MAST3: variants seen among roughly 807,000 people sequenced by gnomAD.
The protein encoded by MAST3 is microtubule associated serine/threonine kinase 3.
MAST3 carries 43 observed loss-of-function variants against 127.0 expected under a neutral mutation model. That is an observed-to-expected ratio of 0.34 (90% CI 0.27 to 0.44). MAST3 has a LOEUF of 0.44. Among genes scored for constraint, MAST3 ranks in the 20% least tolerant of loss-of-function variants. MAST3 has a pLI of 1.00. For missense variants in MAST3, 1,390 were observed against 1,919.1 expected (o/e 0.72, Z 5.15); for synonymous variants, 785 against 809.2 (o/e 0.97, Z 0.51).
chr19:18,134,938 T>C lies in MAST3; in HGVS notation c.1826T>C (p.Phe609Ser). 6.2e-7 allele frequency: 1 copy of C among 1,613,772 alleles called. No individual in the cohort carries two copies. The highest frequency in any genetic ancestry group is 2.2e-5 in the East Asian group (1 of 44,864). The stretch of plus-strand genomic sequence containing the variant: ...GAGTTTCTGGTGGGCTGCGTGCCTT[T>C]CTTTGGAGATACCCCCGAGGAACTC... ...LYEFLVGCVP[F>S]FGDTPEELFG... Residue 609 changes from phenylalanine (F) to serine (S), a missense_variant, in exon 17 of 28, where the codon TTC (phenylalanine) becomes TCC (serine). By Grantham distance (155) the Phe-to-Ser change is radical. Transcript: ENST00000687212.
intron 2 of MAST3, among the ~76,000 whole-genome samples, chr19:18,108,285 G>T (rs974718202): frequency 1.3e-5 from 2 of 150,788 alleles, no homozygotes; most frequent in Non-Finnish European, 2.9e-5. Context: ...GTGAGACTCT[G>T]TCTAAAAAAA....
intron 3 of MAST3, among the ~76,000 whole-genome samples, chr19:18,114,107 C>A (rs550245557): frequency 6.6e-6 from 1 of 152,186 alleles, no homozygotes. Flanking sequence ...CCAACCACCC[C>A]CTCCTTCCAG....
In MAST3 at chr19:18,145,360, C is replaced by T. The variant is rs967235176; in HGVS notation, c.3039+131C>T. 27 of 825,712 alleles carry T rather than the reference C, an allele frequency of 3.3e-5. No individual in the cohort carries two copies. Among genetic ancestry groups the T allele is most frequent in the East Asian group, 4.9e-5 (2 of 40,552 alleles). The allele number at this position is 825,712 out of a possible 1,614,324, so 51.1% of individuals were successfully genotyped here. A position where few individuals can be genotyped will look rare whatever the true frequency, so the allele number is the denominator to read the frequency against. ...AGAGCTGGTGCCACCGAGTTCATCT[C>T]GGTCCCTGTCATTTGGCAGGGAGGA... On this transcript the variant is annotated intron_variant, in intron 24 of 27. Coordinates refer to ENST00000687212, the MANE Select transcript of MAST3 (RefSeq NM_001393504.1). The surrounding 1 kb of genome is among the most constrained non-coding windows in gnomAD (Gnocchi z 5.9).
intron 3 of MAST3, among the ~76,000 whole-genome samples, chr19:18,115,414 C>A (rs188394964): frequency 6.6e-6 from 1 of 152,050 alleles, no homozygotes; most frequent in African/African-American, 2.4e-5. Flanking sequence ...GCGCCTTTAC[C>A]GAGTGTGTGC....
At chr19:18,120,825 G>A (rs2039885573) in intron 3 of MAST3, among the ~76,000 whole-genome samples, 3 of 152,098 alleles carry the variant, frequency 2.0e-5, no homozygotes, top group Admixed American at 6.5e-5. Context: ...GGGTTCAAGC[G>A]ATTCTCCTGC....
chr19:18,107,473 G>C, intron 1 of MAST3, 114 bp from the exon 2 acceptor site: 1 of 1,059,388 alleles, frequency 9.4e-7, no homozygotes, highest in Non-Finnish European at 1.5e-6. Flanking sequence ...TAGAGTGAGC[G>C]GGAAAGATGC....
intron 13 of MAST3, among the ~76,000 whole-genome samples, chr19:18,130,263 G>A (rs2041131186): frequency 6.6e-6 from 1 of 152,148 alleles, no homozygotes; most frequent in Non-Finnish European, 1.5e-5. Context: ...CAACCTAGAG[G>A]CCAATATACA....
chr19:18,139,980 C>T (rs2042284589), intron 20 of MAST3, among the ~76,000 whole-genome samples: 1 of 150,178 alleles, frequency 6.7e-6, no homozygotes, highest in Admixed American at 6.6e-5. Context: ...CCACCACGCC[C>T]GGCTAATTTT....
intron 1 of MAST3, among the ~76,000 whole-genome samples, chr19:18,098,401 G>A (rs1469173429): frequency 6.6e-6 from 1 of 152,102 alleles, no homozygotes; most frequent in Non-Finnish European, 1.5e-5. Flanking sequence ...CTCTCTTACG[G>A]CACAAGGCGC....
chr19:18,129,230 A>G, intron 13 of MAST3: 1 of 485,732 alleles, frequency 2.1e-6, no homozygotes, highest in Non-Finnish European at 3.7e-6. Context: ...ATGCCCACCC[A>G]GTGGGAGTAG....
At chr19:18,134,305 A>T (rs1399528207) in intron 15 of MAST3, among the ~76,000 whole-genome samples, 2 of 152,180 alleles carry the variant, frequency 1.3e-5, no homozygotes, top group Non-Finnish European at 2.9e-5. Context: ...TCATGCCAGC[A>T]CTTTCAAAGG....
intron 19 of MAST3, among the ~76,000 whole-genome samples, chr19:18,137,575 C>T (rs2042012002): frequency 6.6e-6 from 1 of 152,232 alleles, no homozygotes; most frequent in South Asian, 2.1e-4. Flanking sequence ...GAGGCCACAG[C>T]ATCCCTCAGG....
chr19:18,142,801 C>T (rs923324642), intron 21 of MAST3, among the ~76,000 whole-genome samples: 4 of 151,876 alleles, frequency 2.6e-5, no homozygotes, highest in Non-Finnish European at 4.4e-5. Context: ...CCACGGCACC[C>T]GGCTAATTTT....
rs1220612416 is a variant in MAST3 at position 18,151,153 on chromosome 19, G to GT, written c.*1428dup. 5.3e-5 allele frequency: 8 copies of GT among 152,256 alleles called. No individual in the cohort carries two copies. Among genetic ancestry groups the GT allele is most frequent in the Non-Finnish European group, 1.2e-4 (8 of 68,054 alleles). 9.4% of individuals were successfully genotyped at this position (152,256 alleles called of 1,614,324 possible). On this transcript the variant is annotated 3_prime_UTR_variant, in exon 28 of 28. Coordinates refer to ENST00000687212, the MANE Select transcript of MAST3 (RefSeq NM_001393504.1). ...CTCAAGTTTGAATTTCAGCTTCACTGTGTGGCTCTGGGAAAATGGCTTTCC... is the reference window on the plus strand; with the variant it reads ...CTCAAGTTTGAATTTCAGCTTCACTGTTGTGGCTCTGGGAAAATGGCTTTCC...
chr19:18,121,694 C>T lies in MAST3; in HGVS notation c.171C>T (p.Ser57=), dbSNP rs200914931. The T allele has an allele frequency of 8.2e-5, 132 of 1,613,744 alleles. No homozygotes were observed. The African/African-American group carries it at 1.5e-3, about 19-fold the overall frequency. The part of the protein sequence containing the change: ...SLGLHPWSCR[S]GNRKSLVVGT... ...CCTTTTCCCCCCACAGCTGCCGCAGCGGGAACCGCAAGAGCTTGGTGGTAG... is the reference window on the plus strand; with the variant it reads ...CCTTTTCCCCCCACAGCTGCCGCAGTGGGAACCGCAAGAGCTTGGTGGTAG... The change falls in exon 4 of 28, where the codon AGC becomes AGT. Residue 57 remains serine, a synonymous_variant. Coordinates refer to ENST00000687212, the MANE Select transcript of MAST3 (RefSeq NM_001393504.1).
Position 18,139,712 on chromosome 19 carries a change from C to T in MAST3, c.2205+588C>T, listed in dbSNP as rs529353059. On this transcript the variant is annotated intron_variant, in intron 20 of 27. Transcript: ENST00000687212. The stretch of plus-strand genomic sequence containing the variant: ...TCTTGACCTCATGATCTGCCCGCCT[C>T]GGCCTCCTAAAGCGCTGGGATTACA... 2.9e-3 allele frequency among the ~76,000 whole-genome samples: 441 copies of T among 152,336 alleles called. 2 individuals carry two copies. The highest frequency in any genetic ancestry group is 1.0e-2 in the African/African-American group (415 of 41,586).
Position 18,139,053 on chromosome 19 carries a change from G to A in MAST3, c.2134G>A (p.Asp712Asn), listed in dbSNP as rs375996952. The change falls in exon 20 of 28, where the codon GAC becomes AAC. Residue 712 changes from aspartate to asparagine, a missense_variant. This residue lies in a region of MAST3 where 816 missense variants were observed against 934.1 expected (regional missense o/e 0.87). Coordinates refer to ENST00000687212, the MANE Select transcript of MAST3 (RefSeq NM_001393504.1). ...TTACCGCCATCTGGGCTCCGAGGAC[G>A]ACGAGACCAATGATGAAGAATCGTC... ...ERYRHLGSED[D>N]ETNDEESSTE... is the part of the protein sequence containing the mutation. 369 of 1,601,728 alleles carry A rather than the reference G, an allele frequency of 2.3e-4. No individual in the cohort carries two copies. Among genetic ancestry groups the A allele is most frequent in the Non-Finnish European group, 3.0e-4 (354 of 1,174,412 alleles).
intron 12 of MAST3, 71 bp from the exon 13 acceptor site, chr19:18,128,795 G>T: frequency 8.0e-7 from 1 of 1,247,952 alleles, no homozygotes; most frequent in Non-Finnish European, 1.2e-6. Context: ...CCAGTGGTTT[G>T]GGCTTGGGGG....
chr19:18,122,639 C>T (rs1388281003), intron 5 of MAST3, 34 bp from the exon 6 acceptor site: 12 of 1,584,252 alleles, frequency 7.6e-6, no homozygotes, highest in Admixed American at 1.7e-5. Context: ...AGGGGCCAGG[C>T]CTTCCTTCCA....
Sources: gnomAD v4.1 joint callset for allele counts (sites outside exome capture counted in the v4.1 genomes callset) on GRCh38, gnomAD v4.1.1 for gene constraint, gnomAD v4.1.1 regional missense constraint, Gnocchi (gnomAD v3.1) non-coding constraint, MANE v1.5 for transcripts, NCBI Gene and HGNC (gene_info 2026-07-23, HGNC 2026-07-21) for gene names.